STON1: variants seen among roughly 807,000 people sequenced by gnomAD.
The protein encoded by STON1 is stonin 1, also known as stonin-1.
In STON1, 79 loss-of-function variants were observed where a neutral mutation model predicts 60.9. The observed-to-expected ratio is 1.30, with a 90% CI of 1.08 to 1.56. The LOEUF is 1.56. Ranked by LOEUF, STON1 falls within the 40% of genes most tolerant of loss-of-function variation. The pLI is 0.00. For synonymous variants in STON1, 363 were observed against 306.9 expected, an observed-to-expected ratio of 1.18 and a Z score of -1.91; for missense variants, 1,166 against 858.9, an observed-to-expected ratio of 1.36 and a Z score of -4.47.
chr2:48,591,635 G>C lies in STON1; in HGVS notation c.1931-18G>C. On this transcript the variant is annotated intron_variant, in intron 2 of 3. Transcript: ENST00000404752. Reference sequence around the variant, plus strand: ...GGCCATTAAAATACTTTGACTATTTGATTTTTTTTCCCTCGAGGTCTAGAT... The same window carrying C: ...GGCCATTAAAATACTTTGACTATTTCATTTTTTTTCCCTCGAGGTCTAGAT... 1 of 1,610,548 alleles carries C rather than the reference G, an allele frequency of 6.2e-7. No individual in the cohort carries two copies. Among genetic ancestry groups the C allele is most frequent in the East Asian group, 2.2e-5 (1 of 44,838 alleles).
intron 1 of STON1, among the ~76,000 whole-genome samples, chr2:48,552,703 G>A (rs1268302718): frequency 2.0e-5 from 3 of 152,198 alleles, no homozygotes; most frequent in Non-Finnish European, 2.9e-5. Context: ...CCAGGAGGCA[G>A]AGGTTGCAGT....
At chr2:48,540,118 CCT>C (rs1176477533) in intron 1 of STON1, among the ~76,000 whole-genome samples, 5 of 152,108 alleles carry the variant, frequency 3.3e-5, no homozygotes, top group African/African-American at 1.2e-4. Flanking sequence ...CTTCCACTTC[CCT>C]CTGTTTCTGG....
At position 48,554,397 on chromosome 2, in the gene STON1, A is replaced by G. The variant is rs574703145; in HGVS notation, c.-48+24181A>G. Among the ~76,000 whole-genome samples, 13 of 151,978 alleles carry G rather than the reference A, an allele frequency of 8.6e-5. 1 individual carries two copies. In the South Asian group the frequency reaches 2.7e-3, roughly 32 times the overall value. ...CCACCATGCCCAGCTAATTTTTTGT[A>G]TTTTTAATAGAGACGGGGTTTTACC... is the stretch of plus-strand genomic sequence containing the variant. On this transcript the variant is annotated intron_variant, in intron 1 of 3. Transcript: ENST00000404752.
At chr2:48,561,517 A>C (rs1477850408) in intron 1 of STON1, among the ~76,000 whole-genome samples, 1 of 152,228 alleles carries the variant, frequency 6.6e-6, no homozygotes, top group Non-Finnish European at 1.5e-5. Flanking sequence ...TCTACGAAGC[A>C]GACACATACA....
chr2:48,550,161 C>A (rs1291329157), intron 1 of STON1, among the ~76,000 whole-genome samples: 4 of 152,058 alleles, frequency 2.6e-5, no homozygotes, highest in African/African-American at 9.7e-5. Flanking sequence ...GTCATTTATT[C>A]AGCAGCTATC....
Position 48,596,126 on chromosome 2 carries a change from A to C in STON1, c.*824A>C, listed in dbSNP as rs553315279. 6.6e-5 allele frequency: 10 copies of C among 152,372 alleles called. No homozygotes were observed. The East Asian group carries it at 1.9e-3, about 29-fold the overall frequency. 9.4% of individuals were successfully genotyped at this position (152,372 alleles called of 1,614,324 possible). On this transcript the variant is annotated 3_prime_UTR_variant, in exon 4 of 4. Transcript: ENST00000404752. ...TATAAATACTATTTTCCAAAAGTAC[A>C]GACTCTAAGGACATATTTTGATAAA...
chr2:48,565,929 AG>A (rs1211905418), intron 1 of STON1, among the ~76,000 whole-genome samples: 1 of 152,200 alleles, frequency 6.6e-6, no homozygotes, highest in Non-Finnish European at 1.5e-5. Flanking sequence ...CATGATAATA[AG>A]GATAAAATTC....
In STON1 at chr2:48,595,594, T is replaced by C. The variant is rs1674753116; in HGVS notation, c.*292T>C. 1 of 355,538 alleles carries C rather than the reference T, an allele frequency of 2.8e-6. No individual in the cohort carries two copies. The highest frequency in any genetic ancestry group is 6.9e-5 in the East Asian group (1 of 14,522). 22.0% of individuals were successfully genotyped at this position (355,538 alleles called of 1,614,324 possible). A position where few individuals can be genotyped will look rare whatever the true frequency, so the allele number is the denominator to read the frequency against. Reference sequence around the variant, plus strand: ...ACTCGTTGTGTGACCCCGCAGCCAGTATGATTTTTGATTACTCAGTGGCTG... The same window carrying C: ...ACTCGTTGTGTGACCCCGCAGCCAGCATGATTTTTGATTACTCAGTGGCTG... On this transcript the variant is annotated 3_prime_UTR_variant, in exon 4 of 4. Coordinates refer to ENST00000404752, the MANE Select transcript of STON1 (RefSeq NM_006873.4).
intron 1 of STON1, among the ~76,000 whole-genome samples, chr2:48,564,473 CTTCTTCTTTCTTCTTCTTCTTCTT>C (rs1672778824): frequency 1.2e-4 from 6 of 51,720 alleles, no homozygotes; most frequent in African/African-American, 3.0e-4. Flanking sequence ...TCTTCTTCTT[CTTCTTCTTTCTTCTTCTTCTTCTT>C]CTTCTTCTTC....
intron 2 of STON1, among the ~76,000 whole-genome samples, chr2:48,587,521 G>T (rs1385959727): frequency 6.6e-6 from 1 of 152,078 alleles, no homozygotes; most frequent in East Asian, 1.9e-4. Context: ...TCAAACTCCT[G>T]ACCTCGTGAC....
chr2:48,565,134 G>T (rs1331488819), intron 1 of STON1, among the ~76,000 whole-genome samples: 1 of 139,010 alleles, frequency 7.2e-6, no homozygotes, highest in Non-Finnish European at 1.5e-5. Context: ...CTCACTGCAA[G>T]CTCCGCCTCC....
At chr2:48,585,801 G>C (rs1374859545) in intron 2 of STON1, among the ~76,000 whole-genome samples, 1 of 152,252 alleles carries the variant, frequency 6.6e-6, no homozygotes, top group Non-Finnish European at 1.5e-5. Flanking sequence ...TGGATCTGCA[G>C]GTTTCCCCTG....
intron 1 of STON1, among the ~76,000 whole-genome samples, chr2:48,559,605 C>A (rs1672526788): frequency 6.6e-6 from 1 of 152,282 alleles, no homozygotes; most frequent in East Asian, 1.9e-4. Flanking sequence ...CTAATGTTAT[C>A]CTTGTTTCAC....
intron 1 of STON1, among the ~76,000 whole-genome samples, chr2:48,574,788 C>G (rs1673386061): frequency 6.6e-6 from 1 of 152,158 alleles, no homozygotes; most frequent in African/African-American, 2.4e-5. Flanking sequence ...CTAACAAGGT[C>G]TGGGTACATA....
In STON1 at chr2:48,581,496, T is replaced by G; in HGVS notation, c.863T>G (p.Met288Arg). The G allele has an allele frequency of 6.2e-7, 1 of 1,614,212 alleles. No homozygotes were observed. The highest frequency in any genetic ancestry group is 8.5e-7 in the Non-Finnish European group (1 of 1,180,036). ...CTGAGAATTCCTGAGAAGAAGAATA[T>G]GATGTCTTCCCGGCAATGGGGACCA... is the stretch of plus-strand genomic sequence containing the variant. ...FMLRIPEKKN[M>R]MSSRQWGPIF... The change falls in exon 2 of 4, where the codon ATG becomes AGG. Residue 288 changes from methionine (M) to arginine (R), a missense_variant. Physicochemically the swap from Met to Arg is moderately conservative, Grantham distance 91 (BLOSUM62 -1). Coordinates refer to ENST00000404752, the MANE Select transcript of STON1 (RefSeq NM_006873.4).
chr2:48,530,744 G>T (rs74428902), intron 1 of STON1: 10,976 of 152,382 alleles, frequency 0.072, 556 homozygotes, highest in Non-Finnish European at 0.11. Context: ...GCAGCCCGGA[G>T]TCCCCTCCTG....
intron 1 of STON1, among the ~76,000 whole-genome samples, chr2:48,547,376 G>C (rs755144035): frequency 1.3e-5 from 2 of 152,146 alleles, no homozygotes; most frequent in Non-Finnish European, 2.9e-5. Flanking sequence ...CTTAGCACTG[G>C]GCAGAGCTGC....
At chr2:48,545,203 G>A (rs994453915) in intron 1 of STON1, among the ~76,000 whole-genome samples, 7 of 152,130 alleles carry the variant, frequency 4.6e-5, no homozygotes, top group African/African-American at 9.7e-5. Context: ...ATTTTTATTC[G>A]GTAAGGCAGG....
rs1392082011 is a variant in STON1 at position 48,575,754 on chromosome 2, TG to T, written c.-47-4832del. Among the ~76,000 whole-genome samples, 120 of 117,320 alleles carry T rather than the reference TG, an allele frequency of 1.0e-3. 2 individuals are homozygous for T. Among genetic ancestry groups the T allele is most frequent in the African/African-American group, 3.4e-3 (107 of 31,314 alleles). 77.0% of individuals were successfully genotyped at this position (117,320 alleles called of 152,430 possible). ...ATATGGTAGTTCTATTTTTAGTTTTTGTTTGTTTTTTTTTTTTTTTTGAGAT... is the reference window on the plus strand; with the variant it reads ...ATATGGTAGTTCTATTTTTAGTTTTTTTTGTTTTTTTTTTTTTTTTGAGAT... On this transcript the variant is annotated intron_variant, in intron 1 of 3. Coordinates refer to ENST00000404752, the MANE Select transcript of STON1 (RefSeq NM_006873.4).
Sources: gnomAD v4.1 joint callset for allele counts (sites outside exome capture counted in the v4.1 genomes callset) on GRCh38, gnomAD v4.1.1 for gene constraint, MANE v1.5 for transcripts, NCBI Gene and HGNC (gene_info 2026-07-23, HGNC 2026-07-21) for gene names.